The following DST variants were observed in gnomAD, a reference collection of about 807,000 sequenced individuals.
The protein encoded by DST is dystonin, also known as bullous pemphigoid antigen.
In DST, 253 loss-of-function variants were observed where a neutral mutation model predicts 875.2. The ratio of observed to expected loss-of-function variants is 0.29; its 90% CI spans 0.26 to 0.32. The LOEUF (loss-of-function observed/expected upper bound fraction) is 0.32. Among genes scored for constraint, DST ranks in the 10% least tolerant of loss-of-function variants. The probability of loss-of-function intolerance (pLI) is 1.00; values close to 1 mark genes in which losing one functional copy is unlikely to be tolerated. For synonymous variants in DST, 3,124 were observed against 3,197.1 expected (o/e 0.98, Z 0.77); for missense variants, 8,287 against 9,111.6 (o/e 0.91, Z 3.68).
intron 64 of DST, 82 bp downstream of exon 64, chr6:56,532,262 G>T: frequency 7.9e-7 from 1 of 1,258,490 alleles, no homozygotes; most frequent in Non-Finnish European, 1.1e-6. Flanking sequence ...ATGATTTGAA[G>T]TATTAACAAA....
At chr6:56,918,681 T>C (rs1040065605) in intron 2 of DST, among the ~76,000 whole-genome samples, 1 of 152,220 alleles carries the variant, frequency 6.6e-6, no homozygotes, top group Non-Finnish European at 1.5e-5. Context: ...AGTGCCTTTT[T>C]AATTCTATTA....
intron 61 of DST, among the ~76,000 whole-genome samples, chr6:56,543,706 T>G (rs1444075557): frequency 6.6e-6 from 1 of 152,192 alleles, no homozygotes; most frequent in Non-Finnish European, 1.5e-5. Context: ...CATTTGAACA[T>G]GAACAAAACT....
chr6:56,561,668 T>C, intron 56 of DST, 119 bp from the exon 57 acceptor site: 1 of 945,868 alleles, frequency 1.1e-6, no homozygotes, highest in South Asian at 2.0e-5. Flanking sequence ...TTATTAAGCC[T>C]AGTAGATAAA....
At position 56,740,683 on chromosome 6, in the gene DST, G is replaced by A. The variant is rs552379115; in HGVS notation, c.626-5394C>T. Among the ~76,000 whole-genome samples, 8 of 152,306 alleles carry A rather than the reference G, an allele frequency of 5.3e-5. No individual in the cohort carries two copies. The South Asian group carries it at 1.7e-3, about 32-fold the overall frequency. On this transcript the variant is annotated intron_variant, in intron 4 of 103. Transcript: ENST00000680361. ...TCTCAGTCACAGACAGGGAGCTGGG[G>A]AATCTGGCTCTGTGATGTGATGTGA...
chr6:56,842,400 C>T (rs1246798717), intron 4 of DST, among the ~76,000 whole-genome samples: 7 of 152,108 alleles, frequency 4.6e-5, no homozygotes, highest in Non-Finnish European at 1.0e-4. Context: ...TTATATTCAA[C>T]TATGAAGTCC....
chr6:56,831,414 T>C (rs1333907205), intron 4 of DST, among the ~76,000 whole-genome samples: 2 of 152,188 alleles, frequency 1.3e-5, no homozygotes, highest in Non-Finnish European at 2.9e-5. Flanking sequence ...CCAAATGACA[T>C]GGTAAAACCA....
At chr6:56,794,167 C>T (rs1456677792) in intron 4 of DST, among the ~76,000 whole-genome samples, 1 of 152,228 alleles carries the variant, frequency 6.6e-6, no homozygotes, top group African/African-American at 2.4e-5. Flanking sequence ...TACTGCTACG[C>T]TTCTGCAGAC....
intron 4 of DST, among the ~76,000 whole-genome samples, chr6:56,783,854 G>T (rs145988273): frequency 0.013 from 2,008 of 152,226 alleles, 18 homozygotes; most frequent in Non-Finnish European, 0.019. Flanking sequence ...ATTTTGCAGC[G>T]GCTGGTACCT....
Position 56,568,566 on chromosome 6 carries a change from T to G in DST, c.13908A>C (p.Thr4636=), listed in dbSNP as rs1418413632. The G allele has an allele frequency of 6.2e-7, 1 of 1,610,788 alleles. No individual in the cohort carries two copies. The highest frequency in any genetic ancestry group is 1.7e-5 in the Admixed American group (1 of 59,730). ...TGTTGTTTACTTTCTGAATCTCTGG[T>G]GTTTTTAAACTCCACTTTTCTTGTA... is the stretch of plus-strand genomic sequence containing the variant. ...KKLQEKWSLK[T]PEIQKVNNSG... The change falls in exon 55 of 104, where the codon ACA becomes ACC. Residue 4636 remains threonine, a synonymous_variant. Coordinates refer to ENST00000680361, the MANE Select transcript of DST (RefSeq NM_001374736.1).
At chr6:56,915,949 T>C (rs1800718509) in intron 2 of DST, among the ~76,000 whole-genome samples, 2 of 152,342 alleles carry the variant, frequency 1.3e-5, no homozygotes, top group South Asian at 4.1e-4. Context: ...ACACCTTCTT[T>C]GAGAATTTCC....
rs371995421 is a variant in DST at position 56,598,677 on chromosome 6, C to G, written c.11727G>C (p.Gln3909His). 1 of 1,603,854 alleles carries G rather than the reference C, an allele frequency of 6.2e-7. No individual in the cohort carries two copies. Among genetic ancestry groups the G allele is most frequent in the African/African-American group, 1.3e-5 (1 of 74,622 alleles). The change falls in exon 46 of 104, where the codon CAG becomes CAC. Residue 3909 changes from glutamine to histidine, a missense_variant. Around this residue, in one of 10 missense-constraint regions of DST, gnomAD observed 7 missense variants for 17.1 expected, o/e 0.41. Transcript: ENST00000680361. Reference sequence around the variant, plus strand: ...TGTTTTTCACTACTTCAGCCAATGCCTGTGCACTTCCTTGCATATCTTTCT... The same window carrying G: ...TGTTTTTCACTACTTCAGCCAATGCGTGTGCACTTCCTTGCATATCTTTCT... ...ELQKDMQGSA[Q>H]ALAEVVKNTE...
Position 56,607,149 on chromosome 6 carries a change from A to T in DST, c.7479T>A (p.Ile2493=), listed in dbSNP as rs1383348515. 3.1e-6 allele frequency: 5 copies of T among 1,613,294 alleles called. No homozygotes were observed. The African/African-American group carries it at 5.3e-5, about 17-fold the overall frequency. Residue 2493 remains isoleucine (I), a synonymous_variant, in exon 40 of 104, where the codon ATT becomes ATA. Coordinates refer to ENST00000680361, the MANE Select transcript of DST (RefSeq NM_001374736.1). ...CTGGTAAACTGATGTTAATAGCTGC[A>T]ATTCCCAGAAACTGGTCTTGAAATT... is the stretch of plus-strand genomic sequence containing the variant. ...GEKFQDQFLG[I]AAINISLPGE... is the part of the protein sequence containing the mutation.
intron 5 of DST, among the ~76,000 whole-genome samples, chr6:56,727,958 T>C (rs74609227): frequency 2.6e-5 from 4 of 152,294 alleles, no homozygotes; most frequent in Admixed American, 6.5e-5. Flanking sequence ...GTTTTCTCAC[T>C]GATAAAATAA....
At chr6:56,743,585 A>G (rs2099555863) in intron 4 of DST, among the ~76,000 whole-genome samples, 1 of 152,166 alleles carries the variant, frequency 6.6e-6, no homozygotes, top group Non-Finnish European at 1.5e-5. Flanking sequence ...ATAATAGCAA[A>G]CACTTAGAGA....
intron 61 of DST, among the ~76,000 whole-genome samples, chr6:56,539,035 G>A (rs1253610441): frequency 6.6e-6 from 1 of 152,058 alleles, no homozygotes; most frequent in Non-Finnish European, 1.5e-5. Context: ...GGGTGGGGGT[G>A]TACAAAAACT....
chr6:56,886,878 G>T (rs1164896053), intron 3 of DST, among the ~76,000 whole-genome samples: 1 of 150,912 alleles, frequency 6.6e-6, no homozygotes, highest in African/African-American at 2.4e-5. Flanking sequence ...AATTTCCATA[G>T]ATTGATTTTT....
chr6:56,694,272 A>T (rs2099250166), intron 9 of DST, among the ~76,000 whole-genome samples: 1 of 151,798 alleles, frequency 6.6e-6, no homozygotes, highest in African/African-American at 2.4e-5. Context: ...AGTACAAATC[A>T]TTTCACTACT....
intron 89 of DST, 99 bp downstream of exon 89, chr6:56,482,584 T>C (rs560533787): frequency 1.6e-6 from 2 of 1,223,802 alleles, no homozygotes; most frequent in Admixed American, 2.1e-5. Context: ...ACTGTCCTGA[T>C]TGAGACACGA....
intron 71 of DST, 43 bp from the exon 72 acceptor site, chr6:56,515,711 G>T: frequency 6.8e-7 from 1 of 1,481,132 alleles, no homozygotes; most frequent in South Asian, 1.2e-5. Flanking sequence ...TCAGGCCAAC[G>T]AGCACACACA....
Sources: gnomAD v4.1 joint callset for allele counts (sites outside exome capture counted in the v4.1 genomes callset) on GRCh38, gnomAD v4.1.1 for gene constraint, gnomAD v4.1.1 regional missense constraint, MANE v1.5 for transcripts, NCBI Gene and HGNC (gene_info 2026-07-23, HGNC 2026-07-21) for gene names.